Variants in NYAP2 observed in about 807,000 individuals in gnomAD.
The protein encoded by NYAP2 is neuronal tyrosine-phosphorylated phosphoinositide-3-kinase adaptor 2, also known as neuronal tyrosine-phosphorylated phosphoinositide-3-kinase adapter 2.
A neutral mutation model predicts 50.4 loss-of-function variants in NYAP2; 23 were observed. The observed-to-expected ratio is 0.46, with a 90% CI of 0.33 to 0.65. NYAP2 has a LOEUF of 0.65. NYAP2 is among the 30% of genes least tolerant of loss of function. NYAP2 has a pLI of 0.02. For missense variants in NYAP2, 885 were observed against 861.0 expected (o/e 1.03, Z -0.35); for synonymous variants, 394 against 365.2 (o/e 1.08, Z -0.90).
At chr2:225,628,571 C>A (rs541504235) in intron 6 of NYAP2, among the ~76,000 whole-genome samples, 1 of 152,020 alleles carries the variant, frequency 6.6e-6, no homozygotes, top group African/African-American at 2.4e-5. Context: ...GATACACTCA[C>A]CTCAGCCTTC....
chr2:225,553,969 G>A (rs1454853156), intron 4 of NYAP2, among the ~76,000 whole-genome samples: 2 of 152,196 alleles, frequency 1.3e-5, no homozygotes, highest in East Asian at 1.9e-4. Flanking sequence ...GTAGTGAGCC[G>A]AGTTTGCCCC....
chr2:225,451,680 G>C (rs1689655678), intron 3 of NYAP2, among the ~76,000 whole-genome samples: 1 of 152,096 alleles, frequency 6.6e-6, no homozygotes, highest in South Asian at 2.1e-4. Flanking sequence ...CTTACTTTAC[G>C]CAGGTACAAG....
the NYAP2 span, among the ~76,000 whole-genome samples, chr2:225,665,131 T>C: frequency 6.6e-6 from 1 of 152,188 alleles, no homozygotes; most frequent in Admixed American, 6.5e-5. Context: ...TCCATACATT[T>C]TACTTAACTT....
At chr2:225,608,454 G>C (rs1255798696) in intron 5 of NYAP2, among the ~76,000 whole-genome samples, 1 of 151,956 alleles carries the variant, frequency 6.6e-6, no homozygotes, top group South Asian at 2.1e-4. Flanking sequence ...ATCATATCCT[G>C]CTCCTTGAAA....
chr2:225,486,425 G>A (rs893131173), intron 3 of NYAP2, among the ~76,000 whole-genome samples: 1 of 152,162 alleles, frequency 6.6e-6, no homozygotes, highest in African/African-American at 2.4e-5. Context: ...AAGCTTTGAT[G>A]CTACTGAGAA....
chr2:225,426,551 A>G (rs866532723), intron 3 of NYAP2, among the ~76,000 whole-genome samples: 1 of 152,304 alleles, frequency 6.6e-6, no homozygotes, highest in African/African-American at 2.4e-5. Context: ...TTATTAATGA[A>G]TGAATAGGAA....
In NYAP2 at chr2:225,473,501, C is replaced by G. The variant is rs1297732740; in HGVS notation, c.222-39870C>G. Among the ~76,000 whole-genome samples, 3 of 152,206 alleles carry G rather than the reference C, an allele frequency of 2.0e-5. No homozygotes were observed. In the East Asian group the frequency reaches 5.8e-4, roughly 29 times the overall value. On this transcript the variant is annotated intron_variant, in intron 3 of 6. Coordinates refer to ENST00000636099, the Ensembl canonical transcript of NYAP2. Reference sequence around the variant, plus strand: ...TCCTGACTTTTTAATGATCACCATTCTAACTGGTGTGAGATGGTATCTCAT... The same window carrying G: ...TCCTGACTTTTTAATGATCACCATTGTAACTGGTGTGAGATGGTATCTCAT...
the NYAP2 span, among the ~76,000 whole-genome samples, chr2:225,691,027 G>C: frequency 6.6e-6 from 1 of 152,152 alleles, no homozygotes; most frequent in Non-Finnish European, 1.5e-5. Context: ...TGAGGTGCAG[G>C]TAAGTGGAAA....
intron 4 of NYAP2, among the ~76,000 whole-genome samples, chr2:225,539,660 T>A (rs1005394688): frequency 8.5e-5 from 13 of 152,342 alleles, no homozygotes; most frequent in Non-Finnish European, 5.9e-5. Flanking sequence ...AAGTGTCTGT[T>A]CATCTCCTTT....
chr2:225,431,725 C>T (rs796644130), intron 3 of NYAP2, among the ~76,000 whole-genome samples: 3 of 152,034 alleles, frequency 2.0e-5, no homozygotes, highest in Non-Finnish European at 2.9e-5. Flanking sequence ...TAGCATGTTC[C>T]GGGAACTCAT....
At position 225,510,906 on chromosome 2, in the gene NYAP2, G is replaced by A. The variant is rs77663607; in HGVS notation, c.222-2465G>A. On this transcript the variant is annotated intron_variant, in intron 3 of 6. Transcript: ENST00000636099. The stretch of plus-strand genomic sequence containing the variant: ...ATGAAGCAGACTAAATTGTCAGTCC[G>A]GGAAAAAGTTCAGGCTCCATTTAGG... Among the ~76,000 whole-genome samples, 628 of 152,102 alleles carry A rather than the reference G, an allele frequency of 4.1e-3. 2 individuals are homozygous for A. The highest frequency in any genetic ancestry group is 0.015 in the African/African-American group (606 of 41,496).
At chr2:225,481,519 T>G (rs1233192663) in intron 3 of NYAP2, among the ~76,000 whole-genome samples, 7 of 152,162 alleles carry the variant, frequency 4.6e-5, no homozygotes, top group Non-Finnish European at 1.0e-4. Context: ...AGAATTTAAT[T>G]GATCATGAAC....
intron 5 of NYAP2, among the ~76,000 whole-genome samples, chr2:225,620,421 GCACACGCACGCACACACGCACGCA>G (rs1430544978): frequency 3.4e-5 from 1 of 29,428 alleles, no homozygotes; most frequent in African/African-American, 8.7e-5. Context: ...ACACATGCAC[GCACACGCACGCACACACGCACGCA>G]CACGCACGCA....
In NYAP2 at chr2:225,590,824, C is replaced by T. The variant is rs1365434356; in HGVS notation, c.1618+7789C>T. Among the ~76,000 whole-genome samples the T allele has an allele frequency of 2.6e-5, 4 of 152,174 alleles. No individual in the cohort carries two copies. In the East Asian group the frequency reaches 7.7e-4, roughly 29 times the overall value. On this transcript the variant is annotated intron_variant, in intron 5 of 6. Transcript: ENST00000636099. ...CAATTTCACTACCTGTGGATTCTCC[C>T]AGAGGCCTTGAGAGTTTAAGAATGG...
chr2:225,535,547 A>G (rs774071484), intron 4 of NYAP2, among the ~76,000 whole-genome samples: 4 of 152,194 alleles, frequency 2.6e-5, no homozygotes, highest in Non-Finnish European at 5.9e-5. Context: ...GAGAGGAAAA[A>G]GAAGGTGAGA....
At chr2:225,664,074 G>A in the NYAP2 span, among the ~76,000 whole-genome samples, 1 of 152,104 alleles carries the variant, frequency 6.6e-6, no homozygotes, top group Non-Finnish European at 1.5e-5. Flanking sequence ...AACCATGAAA[G>A]GCCTTATTTT....
intron 3 of NYAP2, among the ~76,000 whole-genome samples, chr2:225,508,486 C>G (rs780233217): frequency 6.6e-6 from 1 of 152,150 alleles, no homozygotes; most frequent in Non-Finnish European, 1.5e-5. Context: ...TCCCAGGAAG[C>G]AGACACCATG....
chr2:225,510,684 C>T (rs1260408596), intron 3 of NYAP2, among the ~76,000 whole-genome samples: 1 of 152,072 alleles, frequency 6.6e-6, no homozygotes, highest in Non-Finnish European at 1.5e-5. Flanking sequence ...ATTTCTTCAT[C>T]TTGTATTTAC....
At chr2:225,579,637 GA>G (rs1692236416) in intron 4 of NYAP2, among the ~76,000 whole-genome samples, 1 of 152,218 alleles carries the variant, frequency 6.6e-6, no homozygotes, top group East Asian at 1.9e-4. Flanking sequence ...GGGAAAGAGA[GA>G]AGTTGTCACC....
Sources: gnomAD v4.1 joint callset for allele counts (sites outside exome capture counted in the v4.1 genomes callset) on GRCh38, gnomAD v4.1.1 for gene constraint, MANE v1.5 for transcripts, NCBI Gene and HGNC (gene_info 2026-07-23, HGNC 2026-07-21) for gene names.